ATXN10: variants seen among roughly 807,000 people sequenced by gnomAD.
ATXN10 encodes ataxin 10.
A neutral mutation model predicts 52.9 loss-of-function variants in ATXN10; 28 were observed. The ratio of observed to expected loss-of-function variants is 0.53; its 90% CI spans 0.39 to 0.73. The LOEUF (loss-of-function observed/expected upper bound fraction) is 0.73. ATXN10 is among the 30% of genes least tolerant of loss of function. The pLI is 0.00. For synonymous variants in ATXN10, 226 were observed against 221.5 expected (o/e 1.02, Z -0.18); for missense variants, 565 against 577.0 (o/e 0.98, Z 0.21).
At chr22:45,740,339 G>A in intron 8 of ATXN10, 30 bp from the exon 9 acceptor site, 1 of 1,612,804 alleles carries the variant, frequency 6.2e-7, no homozygotes, top group Non-Finnish European at 8.5e-7. Flanking sequence ...ACTTTTCTGT[G>A]GAAAATGAAG....
rs899017398 is a variant in ATXN10 at position 45,780,130 on chromosome 22, C to T, written c.1174-26829C>T. ...ACGGAGTCTCGTTGTGTCACCCAGGCTGGAGTGCAGTGGCACGATCTTGGT... is the reference window on the plus strand; with the variant it reads ...ACGGAGTCTCGTTGTGTCACCCAGGTTGGAGTGCAGTGGCACGATCTTGGT... On this transcript the variant is annotated intron_variant, in intron 9 of 11. Transcript: ENST00000252934. This position sits in a 1 kb window ranked among gnomAD's most constrained non-coding sequence, Gnocchi z 4.0. 1.3e-5 allele frequency among the ~76,000 whole-genome samples: 2 copies of T among 150,116 alleles called. No homozygotes were observed. The highest frequency in any genetic ancestry group is 6.6e-5 in the Admixed American group (1 of 15,062).
chr22:45,717,625 G>C (rs563590548), intron 5 of ATXN10, among the ~76,000 whole-genome samples: 33 of 152,210 alleles, frequency 2.2e-4, no homozygotes, highest in Non-Finnish European at 3.1e-4. Flanking sequence ...TATTGTAGTA[G>C]TTAATATGCT....
In ATXN10 at chr22:45,683,724, G is replaced by GT. The variant is rs1923021222; in HGVS notation, c.117-5987dup. ...AAATCCACCTGGAGTTACTTTTTGG[G>GT]TAGTGTAAGTAAGGATCCAATTCAG... is the stretch of plus-strand genomic sequence containing the variant. On this transcript the variant is annotated intron_variant, in intron 1 of 11. Coordinates refer to ENST00000252934, the MANE Select transcript of ATXN10 (RefSeq NM_013236.4). The surrounding 1 kb of genome is among the most constrained non-coding windows in gnomAD (Gnocchi z 4.8). Among the ~76,000 whole-genome samples, 1 of 152,040 alleles carries GT rather than the reference G, an allele frequency of 6.6e-6. No individual in the cohort carries two copies. The highest frequency in any genetic ancestry group is 2.4e-5 in the African/African-American group (1 of 41,388).
Position 45,820,800 on chromosome 22 carries a change from G to A in ATXN10, c.1237+13778G>A, listed in dbSNP as rs542217372. On this transcript the variant is annotated intron_variant, in intron 10 of 11. Coordinates refer to ENST00000252934, the MANE Select transcript of ATXN10 (RefSeq NM_013236.4). This position sits in a 1 kb window ranked among gnomAD's most constrained non-coding sequence, Gnocchi z 4.9. ...GTTTTTGTGAGCTGCCGGGAAAGTC[G>A]TCTTGGGGAATGGACAGACCTTTTC... 3.9e-5 allele frequency among the ~76,000 whole-genome samples: 6 copies of A among 152,280 alleles called. No individual in the cohort carries two copies. Among genetic ancestry groups the A allele is most frequent in the Middle Eastern group, 3.4e-3 (1 of 294 alleles).
At position 45,844,331 on chromosome 22, in the gene ATXN10, C is replaced by G. The variant is rs1173366081; in HGVS notation, c.*660C>G. 1 of 154,046 alleles carries G rather than the reference C, an allele frequency of 6.5e-6. No individual in the cohort carries two copies. The highest frequency in any genetic ancestry group is 1.4e-5 in the Non-Finnish European group (1 of 69,306). The allele number at this position is 154,046 out of a possible 1,614,324, so 9.5% of individuals were successfully genotyped here. The stretch of plus-strand genomic sequence containing the variant: ...TCCAGTTCATCCCAGAAGTAGACAT[C>G]CCAGGACCCATTCTGTGTCAAGGTG... On this transcript the variant is annotated 3_prime_UTR_variant, in exon 12 of 12. Coordinates refer to ENST00000252934, the MANE Select transcript of ATXN10 (RefSeq NM_013236.4).
chr22:45,804,611 T>A (rs1159094915), intron 9 of ATXN10, among the ~76,000 whole-genome samples: 1 of 152,248 alleles, frequency 6.6e-6, no homozygotes, highest in African/African-American at 2.4e-5. Context: ...CATCTTAGGT[T>A]ATGTATATCT....
intron 1 of ATXN10, chr22:45,680,061 G>C (rs1922857944): frequency 6.6e-6 from 1 of 152,232 alleles, no homozygotes; most frequent in Non-Finnish European, 1.5e-5. Flanking sequence ...TGTGGGCAAT[G>C]ACACTCAAAA....
In ATXN10 at chr22:45,695,403, C is replaced by T. The variant is rs527881146; in HGVS notation, c.391+2325C>T. Among the ~76,000 whole-genome samples the T allele has an allele frequency of 3.3e-5, 5 of 151,402 alleles. No individual in the cohort carries two copies. The South Asian group carries it at 1.0e-3, about 32-fold the overall frequency. ...TGAATATAACCTTTAAATGAGAAGT[C>T]TCCAGTTGCATTTAAAATATTATTT... On this transcript the variant is annotated intron_variant, in intron 3 of 11. Transcript: ENST00000252934.
chr22:45,711,131 C>G (rs549969984), intron 5 of ATXN10, among the ~76,000 whole-genome samples: 1 of 151,904 alleles, frequency 6.6e-6, no homozygotes, highest in African/African-American at 2.4e-5. Context: ...CATGTCTACC[C>G]AAAACCCCAG....
Position 45,781,283 on chromosome 22 carries a change from G to A in ATXN10, c.1174-25676G>A, listed in dbSNP as rs757043034. 4.4e-4 allele frequency among the ~76,000 whole-genome samples: 67 copies of A among 152,098 alleles called. No individual in the cohort carries two copies. Among genetic ancestry groups the A allele is most frequent in the Non-Finnish European group, 5.0e-4 (34 of 68,016 alleles). On this transcript the variant is annotated intron_variant, in intron 9 of 11. Transcript: ENST00000252934. This position sits in a 1 kb window ranked among gnomAD's most constrained non-coding sequence, Gnocchi z 4.2. ...GGGAGCCAGGTTTTTATCCCCACTG[G>A]GCAGTAATGAGGCATCCCCCAACCC...
At chr22:45,799,186 T>G (rs1927851418) in intron 9 of ATXN10, among the ~76,000 whole-genome samples, 1 of 152,116 alleles carries the variant, frequency 6.6e-6, no homozygotes, top group African/African-American at 2.4e-5. Context: ...TTCTCCTGCC[T>G]CAGCCTCCCG....
chr22:45,673,331 C>T (rs1230567854), intron 1 of ATXN10: 3 of 152,262 alleles, frequency 2.0e-5, no homozygotes, highest in African/African-American at 7.2e-5. Flanking sequence ...AGACTTGGGT[C>T]AGCCTAGGTG....
intron 9 of ATXN10, among the ~76,000 whole-genome samples, chr22:45,773,386 C>T (rs1261714281): frequency 6.6e-6 from 1 of 151,950 alleles, no homozygotes; most frequent in Admixed American, 6.5e-5. Flanking sequence ...ATGTCCCTGC[C>T]TGCCTTCTTC....
At chr22:45,723,910 C>G (rs547536986) in intron 6 of ATXN10, among the ~76,000 whole-genome samples, 2 of 151,510 alleles carry the variant, frequency 1.3e-5, no homozygotes, top group African/African-American at 4.9e-5. Flanking sequence ...TGAGATCACA[C>G]TACTGCACTC....
intron 1 of ATXN10, among the ~76,000 whole-genome samples, chr22:45,686,333 A>G (rs1923134384): frequency 6.6e-6 from 1 of 152,214 alleles, no homozygotes; most frequent in Non-Finnish European, 1.5e-5. Flanking sequence ...CCCTAGAGAT[A>G]CAGAAAAGAA....
In ATXN10 at chr22:45,792,077, T is replaced by TA. The variant is rs1927532797; in HGVS notation, c.1174-14881dup. ...ATAAACATTTTTTCTTCAAGGCAATTACCTTTTCTTAAGCTCAATCTTAGC... is the reference window on the plus strand; with the variant it reads ...ATAAACATTTTTTCTTCAAGGCAATTAACCTTTTCTTAAGCTCAATCTTAGC... On this transcript the variant is annotated intron_variant, in intron 9 of 11. Coordinates refer to ENST00000252934, the MANE Select transcript of ATXN10 (RefSeq NM_013236.4). Among the ~76,000 whole-genome samples the TA allele has an allele frequency of 3.3e-5, 5 of 152,172 alleles. No individual in the cohort carries two copies. In the South Asian group the frequency reaches 1.0e-3, roughly 32 times the overall value.
In ATXN10 at chr22:45,837,736, G is replaced by A. The variant is rs772428913; in HGVS notation, c.1238-5255G>A. On this transcript the variant is annotated intron_variant, in intron 10 of 11. Transcript: ENST00000252934. This position sits in a 1 kb window ranked among gnomAD's most constrained non-coding sequence, Gnocchi z 5.8. The stretch of plus-strand genomic sequence containing the variant: ...CAGTGTGACAGCAGCCGCCAACACA[G>A]GCAAGTGATGGGCATGGCTGTGTGC... 2.0e-5 allele frequency among the ~76,000 whole-genome samples: 3 copies of A among 152,208 alleles called. No individual in the cohort carries two copies. The highest frequency in any genetic ancestry group is 2.9e-5 in the Non-Finnish European group (2 of 68,036).
chr22:45,816,396 C>G lies in ATXN10; in HGVS notation c.1237+9374C>G, dbSNP rs535736528. ...TCCTCTCTTTCCTCCTTTTAGACTTCGGTCATGTATGTCTTCCTCTCAGAG... is the reference window on the plus strand; with the variant it reads ...TCCTCTCTTTCCTCCTTTTAGACTTGGGTCATGTATGTCTTCCTCTCAGAG... On this transcript the variant is annotated intron_variant, in intron 10 of 11. Transcript: ENST00000252934. This position sits in a 1 kb window ranked among gnomAD's most constrained non-coding sequence, Gnocchi z 5.8. Among the ~76,000 whole-genome samples, 2 of 152,178 alleles carry G rather than the reference C, an allele frequency of 1.3e-5. No individual in the cohort carries two copies. Among genetic ancestry groups the G allele is most frequent in the Non-Finnish European group, 2.9e-5 (2 of 68,026 alleles).
intron 9 of ATXN10, among the ~76,000 whole-genome samples, chr22:45,745,591 C>T (rs1321154421): frequency 2.6e-5 from 4 of 152,142 alleles, no homozygotes; most frequent in Admixed American, 1.3e-4. Context: ...TAAAGACAAA[C>T]TTTATTTGGC....
Sources: allele counts gnomAD v4.1 joint callset (sites outside exome capture counted in the v4.1 genomes callset), GRCh38; gene constraint gnomAD v4.1.1; non-coding constraint Gnocchi (gnomAD v3.1); transcripts MANE v1.5; gene names NCBI Gene and HGNC (gene_info 2026-07-23, HGNC 2026-07-21).